ADAMTS9: variants seen among roughly 807,000 people sequenced by gnomAD.
ADAMTS9 encodes the protein ADAM metallopeptidase with thrombospondin type 1 motif 9, also known as A disintegrin and metalloproteinase with thrombospondin motifs 9.
ADAMTS9 carries 107 observed loss-of-function variants against 257.1 expected under a neutral mutation model. That is an observed-to-expected ratio of 0.42 (90% CI 0.36 to 0.49). The LOEUF is 0.49. Among genes scored for constraint, ADAMTS9 ranks in the 20% least tolerant of loss-of-function variants. ADAMTS9 has a pLI of 0.03. For synonymous variants in ADAMTS9, 982 were observed against 880.9 expected, an observed-to-expected ratio of 1.11 and a Z score of -2.03; for missense variants, 2,353 against 2,469.1, an observed-to-expected ratio of 0.95 and a Z score of 1.00.
At chr3:64,525,968 T>C (rs1218877053) in intron 38 of ADAMTS9, among the ~76,000 whole-genome samples, 1 of 147,962 alleles carries the variant, frequency 6.8e-6, no homozygotes, top group African/African-American at 2.4e-5. Flanking sequence ...ATATAAAATT[T>C]ATGTATAAAA....
At chr3:64,548,725 T>C (rs1321031139) in intron 31 of ADAMTS9, among the ~76,000 whole-genome samples, 1 of 152,230 alleles carries the variant, frequency 6.6e-6, no homozygotes, top group Non-Finnish European at 1.5e-5. Context: ...AGCTAGCTGA[T>C]ATCAGCATTG....
chr3:64,539,901 C>T (rs2083098811), intron 36 of ADAMTS9, among the ~76,000 whole-genome samples: 1 of 152,236 alleles, frequency 6.6e-6, no homozygotes, highest in Non-Finnish European at 1.5e-5. Context: ...ACCCAAAGTG[C>T]ACGTTGTTAA....
chr3:64,610,508 T>A (rs1461537479), intron 22 of ADAMTS9, among the ~76,000 whole-genome samples: 9 of 152,134 alleles, frequency 5.9e-5, no homozygotes, highest in African/African-American at 9.7e-5. Context: ...AATTCATATT[T>A]TTTTTTAAAA....
Position 64,687,989 on chromosome 3 carries a change from C to T in ADAMTS9, c.-332G>A. 7.1e-6 allele frequency: 1 copy of T among 140,392 alleles called. No homozygotes were observed. The highest frequency in any genetic ancestry group is 1.4e-5 in the Non-Finnish European group (1 of 70,680). 8.7% of individuals were successfully genotyped at this position (140,392 alleles called of 1,614,324 possible). On this transcript the variant is annotated 5_prime_UTR_variant, in exon 1 of 40. Coordinates refer to ENST00000498707, the MANE Select transcript of ADAMTS9 (RefSeq NM_182920.2). The surrounding 1 kb of genome is among the most constrained non-coding windows in gnomAD (Gnocchi z 4.4). ...GAGGAACTTGCGCTCCGAGGCGCGC[C>T]GGGCGCCCTGTGCTGGCCGGGATAG... is the stretch of plus-strand genomic sequence containing the variant.
intron 16 of ADAMTS9, among the ~76,000 whole-genome samples, chr3:64,624,187 T>C (rs1212825029): frequency 6.6e-6 from 1 of 150,730 alleles, no homozygotes; most frequent in Non-Finnish European, 1.5e-5. Context: ...TATTGCACAC[T>C]TGAAATTTGC....
At chr3:64,608,933 A>G (rs1445177131) in intron 22 of ADAMTS9, among the ~76,000 whole-genome samples, 1 of 152,112 alleles carries the variant, frequency 6.6e-6, no homozygotes, top group Admixed American at 6.5e-5. Flanking sequence ...ATCATGGCCA[A>G]GTGGGATTTA....
intron 26 of ADAMTS9, among the ~76,000 whole-genome samples, chr3:64,601,453 A>C (rs2084460621): frequency 6.6e-6 from 1 of 152,194 alleles, no homozygotes; most frequent in African/African-American, 2.4e-5. Flanking sequence ...CTAAGCACAA[A>C]TCTTACCTAG....
chr3:64,657,896 GT>G lies in ADAMTS9; in HGVS notation c.969+605del, dbSNP rs1701121031. ...TTTTAAAAAATCGTGCAAATTTACT[GT>G]GGTTTTAATTCAAAATGGGAGTAGA... On this transcript the variant is annotated intron_variant, in intron 4 of 39. Transcript: ENST00000498707. 5.9e-5 allele frequency among the ~76,000 whole-genome samples: 9 copies of G among 152,212 alleles called. No individual in the cohort carries two copies. In the South Asian group the frequency reaches 1.9e-3, roughly 32 times the overall value.
At chr3:64,547,332 A>C (rs1298211411) in intron 31 of ADAMTS9, among the ~76,000 whole-genome samples, 2 of 116,202 alleles carry the variant, frequency 1.7e-5, no homozygotes, top group East Asian at 5.7e-4. Flanking sequence ...GATGACCACC[A>C]AATTGGGAAG....
At chr3:64,569,471 G>T (rs1367085157) in intron 28 of ADAMTS9, among the ~76,000 whole-genome samples, 1 of 152,144 alleles carries the variant, frequency 6.6e-6, no homozygotes, top group African/African-American at 2.4e-5. Context: ...AAAACGCAAT[G>T]AAAACAGATT....
At chr3:64,591,215 G>A (rs1034330270) in intron 28 of ADAMTS9, among the ~76,000 whole-genome samples, 15 of 152,076 alleles carry the variant, frequency 9.9e-5, no homozygotes, top group African/African-American at 2.7e-4. Context: ...CCAAGGCAGC[G>A]GATCACCTGA....
chr3:64,613,546 G>T, intron 21 of ADAMTS9, 37 bp from the exon 22 acceptor site: 1 of 1,591,960 alleles, frequency 6.3e-7, no homozygotes, highest in South Asian at 1.2e-5. Context: ...GGTCATTTCT[G>T]ATCAATGTGT....
At chr3:64,546,978 A>C in intron 31 of ADAMTS9, 26 bp from the exon 32 acceptor site, 1 of 1,585,032 alleles carries the variant, frequency 6.3e-7, no homozygotes, top group Non-Finnish European at 8.6e-7. Flanking sequence ...TTGAGAGGAG[A>C]GGTTCGAGCA....
chr3:64,540,463 G>C (rs1575994424), intron 36 of ADAMTS9, among the ~76,000 whole-genome samples: 1 of 152,174 alleles, frequency 6.6e-6, no homozygotes, highest in Admixed American at 6.5e-5. Flanking sequence ...ACACAGGCTA[G>C]TTTAGAAAAG....
rs1358224503 is a variant in ADAMTS9 at position 64,550,985 on chromosome 3, C to T, written c.4776G>A (p.Gly1592=). The T allele has an allele frequency of 6.2e-7, 1 of 1,614,192 alleles. No homozygotes were observed. Among genetic ancestry groups the T allele is most frequent in the Admixed American group, 1.7e-5 (1 of 60,030 alleles). ...CVDDNKNEVH[G]ARCDVSKRPV... is the part of the protein sequence containing the mutation. Reference sequence around the variant, plus strand: ...GCCGCTTGCTCACGTCACAGCGTGCCCCATGCACCTCGTTTTTGTTGTCAT... The same window carrying T: ...GCCGCTTGCTCACGTCACAGCGTGCTCCATGCACCTCGTTTTTGTTGTCAT... Residue 1592 remains glycine, a synonymous_variant, in exon 31 of 40, where the codon GGG becomes GGA. Transcript: ENST00000498707.
At chr3:64,637,327 T>A (rs1187667545) in intron 12 of ADAMTS9, among the ~76,000 whole-genome samples, 1 of 152,172 alleles carries the variant, frequency 6.6e-6, no homozygotes, top group Non-Finnish European at 1.5e-5. Context: ...AAACATAGCT[T>A]TAAAAAATAG....
intron 39 of ADAMTS9, among the ~76,000 whole-genome samples, chr3:64,520,103 G>A (rs995817029): frequency 3.3e-5 from 5 of 151,954 alleles, no homozygotes; most frequent in African/African-American, 1.2e-4. Context: ...AATTTTCAGG[G>A]TGCAAAATAA....
chr3:64,523,380 AAG>A (rs2082874454), intron 38 of ADAMTS9, among the ~76,000 whole-genome samples: 1 of 152,160 alleles, frequency 6.6e-6, no homozygotes, highest in African/African-American at 2.4e-5. Flanking sequence ...AGACTCTATG[AAG>A]AGTCTAGTGG....
At chr3:64,546,596 A>G (rs988066749) in intron 32 of ADAMTS9, among the ~76,000 whole-genome samples, 162 bp downstream of exon 32, 3 of 152,216 alleles carry the variant, frequency 2.0e-5, no homozygotes, top group Non-Finnish European at 4.4e-5. Flanking sequence ...TTTGGTAAAC[A>G]GAAAGAAGTC....
Sources: gnomAD v4.1 joint callset for allele counts (sites outside exome capture counted in the v4.1 genomes callset) on GRCh38, gnomAD v4.1.1 for gene constraint, Gnocchi (gnomAD v3.1) non-coding constraint, MANE v1.5 for transcripts, NCBI Gene and HGNC (gene_info 2026-07-23, HGNC 2026-07-21) for gene names.